Variants in AGBL4 observed in about 807,000 individuals in gnomAD.
AGBL4 encodes the protein AGBL carboxypeptidase 4.
In AGBL4, 58 loss-of-function variants were observed where a neutral mutation model predicts 66.4. The ratio of observed to expected loss-of-function variants is 0.87; its 90% CI spans 0.71 to 1.09. AGBL4 has a LOEUF of 1.09. Ranked by LOEUF, AGBL4 falls within the 50% of genes least tolerant of loss-of-function variation. The pLI, the probability that AGBL4 is intolerant of heterozygous loss-of-function variation, is 0.00. For synonymous variants in AGBL4, 234 were observed against 222.9 expected (o/e 1.05, Z -0.44); for missense variants, 579 against 631.0 (o/e 0.92, Z 0.88).
chr1:49,360,461 C>A (rs1644113993), intron 3 of AGBL4, among the ~76,000 whole-genome samples: 1 of 152,080 alleles, frequency 6.6e-6, no homozygotes, highest in Non-Finnish European at 1.5e-5. Context: ...TTTTTAGTAA[C>A]AATGATTATG....
At chr1:49,482,232 A>G (rs942209173) in intron 3 of AGBL4, among the ~76,000 whole-genome samples, 1 of 151,998 alleles carries the variant, frequency 6.6e-6, no homozygotes, top group African/African-American at 2.4e-5. Flanking sequence ...TACATCTGGT[A>G]GAAATCAGCT....
intron 4 of AGBL4, among the ~76,000 whole-genome samples, chr1:49,057,133 G>A (rs934479930): frequency 6.6e-6 from 1 of 152,150 alleles, no homozygotes; most frequent in African/African-American, 2.4e-5. Flanking sequence ...CAGAGTGGTG[G>A]CTCATGCTTG....
intron 1 of AGBL4, among the ~76,000 whole-genome samples, chr1:49,997,845 A>G (rs1342994473): frequency 6.6e-6 from 1 of 152,202 alleles, no homozygotes; most frequent in Admixed American, 6.5e-5. Context: ...AATCAAAATT[A>G]TATCAAGTAC....
At position 50,009,524 on chromosome 1, in the gene AGBL4, A is replaced by G. The variant is rs371769398; in HGVS notation, c.34+14239T>C. Among the ~76,000 whole-genome samples, 209 of 152,232 alleles carry G rather than the reference A, an allele frequency of 1.4e-3. 1 individual carries two copies. Among genetic ancestry groups the G allele is most frequent in the African/African-American group, 4.7e-3 (196 of 41,558 alleles). On this transcript the variant is annotated intron_variant, in intron 1 of 13. Transcript: ENST00000371839. ...ATATAGAGGGAATATATCTCAACAC[A>G]ATAAAAAACCTAAAGACAGACCACA...
chr1:48,868,668 T>A (rs560137276), intron 5 of AGBL4, among the ~76,000 whole-genome samples: 2 of 152,352 alleles, frequency 1.3e-5, no homozygotes, highest in African/African-American at 2.4e-5. Context: ...ATCCTTGGTT[T>A]ATGTAAGATG....
chr1:49,459,802 T>C (rs79963075), intron 3 of AGBL4, among the ~76,000 whole-genome samples: 2,338 of 151,874 alleles, frequency 0.015, 38 homozygotes, highest in Non-Finnish European at 0.023. Context: ...TTTATTGCTA[T>C]GAATAGTTCT....
rs1294013826 is a variant in AGBL4 at position 48,698,372 on chromosome 1, C to T, written c.635-35131G>A. 2.0e-5 allele frequency among the ~76,000 whole-genome samples: 3 copies of T among 152,152 alleles called. 1 individual carries two copies. Among genetic ancestry groups the T allele is most frequent in the East Asian group, 1.9e-4 (1 of 5,194 alleles). On this transcript the variant is annotated intron_variant, in intron 6 of 13. Coordinates refer to ENST00000371839, the MANE Select transcript of AGBL4 (RefSeq NM_032785.4). ...TCACTACGGTACAGTGGGAGAGAAG[C>T]CCAATAGCTCAGAGCCTTCAAAGAC...
chr1:48,551,885 A>G (rs1164387937), intron 11 of AGBL4, among the ~76,000 whole-genome samples: 1 of 151,856 alleles, frequency 6.6e-6, no homozygotes, highest in East Asian at 1.9e-4. Flanking sequence ...CATCACCCTA[A>G]TGGGGTCTTT....
chr1:49,565,770 G>T (rs1644181412), intron 3 of AGBL4, among the ~76,000 whole-genome samples: 2 of 152,134 alleles, frequency 1.3e-5, no homozygotes, highest in African/African-American at 4.8e-5. Flanking sequence ...AATCTGACAA[G>T]TATGTGTCTC....
chr1:48,721,327 C>T (rs887065175), intron 6 of AGBL4, among the ~76,000 whole-genome samples: 9 of 152,184 alleles, frequency 5.9e-5, no homozygotes, highest in Non-Finnish European at 1.2e-4. Flanking sequence ...ATGGAAACCA[C>T]ATTTCTGCTG....
chr1:49,202,808 A>C (rs1436220491), intron 4 of AGBL4, among the ~76,000 whole-genome samples: 1 of 152,130 alleles, frequency 6.6e-6, no homozygotes, highest in Non-Finnish European at 1.5e-5. Context: ...AACAACCAAC[A>C]GAGTGAAAAG....
intron 2 of AGBL4, among the ~76,000 whole-genome samples, chr1:49,776,310 T>G (rs1644196004): frequency 6.6e-6 from 1 of 152,162 alleles, no homozygotes; most frequent in Admixed American, 6.5e-5. Flanking sequence ...CCTCCAATTC[T>G]AGTCTTAAAA....
chr1:49,387,330 CTTA>C (rs1644755525), intron 3 of AGBL4, among the ~76,000 whole-genome samples: 7 of 151,790 alleles, frequency 4.6e-5, no homozygotes, highest in Admixed American at 3.3e-4. Flanking sequence ...TAAAATAACC[CTTA>C]TGCTCTTTCT....
intron 2 of AGBL4, among the ~76,000 whole-genome samples, chr1:49,703,701 G>A (rs1203225933): frequency 6.6e-6 from 1 of 151,612 alleles, no homozygotes; most frequent in Non-Finnish European, 1.5e-5. Context: ...TTTTTATAAA[G>A]ACCCAAGCTA....
downstream of AGBL4, among the ~76,000 whole-genome samples, chr1:48,532,609 C>T (rs761456155): frequency 6.6e-6 from 1 of 152,144 alleles, no homozygotes; most frequent in Non-Finnish European, 1.5e-5. Flanking sequence ...TAAAATGATG[C>T]TATCATTTCC....
chr1:49,589,129 C>T (rs145414300), intron 3 of AGBL4, among the ~76,000 whole-genome samples: 5 of 152,166 alleles, frequency 3.3e-5, no homozygotes, highest in Middle Eastern at 3.4e-3. Flanking sequence ...AACCTCAAAA[C>T]AGAGAAGTTC....
intron 5 of AGBL4, among the ~76,000 whole-genome samples, chr1:48,892,627 G>A (rs1651081150): frequency 6.6e-6 from 1 of 152,176 alleles, no homozygotes; most frequent in Non-Finnish European, 1.5e-5. Context: ...ACAGGTAGGT[G>A]AGAGACAAAC....
chr1:49,728,968 G>A (rs1649230597), intron 2 of AGBL4, among the ~76,000 whole-genome samples: 1 of 152,112 alleles, frequency 6.6e-6, no homozygotes, highest in African/African-American at 2.4e-5. Flanking sequence ...ATACACCTAG[G>A]GTGCCTCCAT....
chr1:49,904,522 CAT>C (rs1650074367), intron 1 of AGBL4, among the ~76,000 whole-genome samples: 1 of 152,066 alleles, frequency 6.6e-6, no homozygotes, highest in Non-Finnish European at 1.5e-5. Flanking sequence ...TGGAGATCCT[CAT>C]ATAAGAAATG....
Sources: gnomAD v4.1 joint callset for allele counts (sites outside exome capture counted in the v4.1 genomes callset) on GRCh38, gnomAD v4.1.1 for gene constraint, MANE v1.5 for transcripts, NCBI Gene and HGNC (gene_info 2026-07-23, HGNC 2026-07-21) for gene names.